DLC1: variants seen among roughly 807,000 people sequenced by gnomAD.
DLC1 encodes the protein rho GTPase-activating protein 7.
Under a neutral mutation model 140.3 loss-of-function variants are expected in DLC1, and 54 were observed. That is an observed-to-expected ratio of 0.38 (90% CI 0.31 to 0.48). The LOEUF is 0.48. Among genes scored for constraint, DLC1 ranks in the 20% least tolerant of loss-of-function variants. The probability of loss-of-function intolerance (pLI) is 0.96; values close to 1 mark genes in which losing one functional copy is unlikely to be tolerated. For missense variants in DLC1, 2,536 were observed against 1,907.0 expected (o/e 1.33, Z -6.14); for synonymous variants, 986 against 728.1 (o/e 1.35, Z -5.70).
At chr8:13,099,263 C>G in intron 9 of DLC1, 84 bp downstream of exon 9, 1 of 1,518,444 alleles carries the variant, frequency 6.6e-7, no homozygotes, top group Non-Finnish European at 8.8e-7. Context: ...AGACTTAATC[C>G]CATTTCTTCC....
At chr8:13,471,206 G>C (rs1028874316) in intron 2 of DLC1, among the ~76,000 whole-genome samples, 1 of 151,590 alleles carries the variant, frequency 6.6e-6, no homozygotes, top group African/African-American at 2.4e-5. Flanking sequence ...AGTCTGGATG[G>C]ATACTATTCT....
intron 5 of DLC1, among the ~76,000 whole-genome samples, chr8:13,280,079 A>G (rs948540096): frequency 9.9e-5 from 15 of 151,300 alleles, no homozygotes; most frequent in Non-Finnish European, 1.5e-4. Flanking sequence ...GGAGATCGAG[A>G]CCATCCTGGC....
chr8:13,558,193 A>G (rs889222272), intron 1 of DLC1: 10 of 152,250 alleles, frequency 6.6e-5, no homozygotes, highest in African/African-American at 2.4e-4. Flanking sequence ...ATATGTCTTG[A>G]GTGCTTTCTC....
intron 5 of DLC1, among the ~76,000 whole-genome samples, chr8:13,240,576 C>T (rs1008660632): frequency 1.3e-5 from 2 of 152,094 alleles, no homozygotes; most frequent in African/African-American, 4.8e-5. Flanking sequence ...CAGGCACATG[C>T]CACCACGCCC....
intron 1 of DLC1, among the ~76,000 whole-genome samples, chr8:13,548,348 T>C (rs1803723789): frequency 1.4e-5 from 2 of 142,738 alleles, no homozygotes; most frequent in Non-Finnish European, 3.0e-5. Flanking sequence ...TTTTGGTTTA[T>C]ATCTTGTTCA....
At chr8:13,578,352 C>G (rs974554847) in intron 1 of DLC1, among the ~76,000 whole-genome samples, 1 of 152,128 alleles carries the variant, frequency 6.6e-6, no homozygotes, top group Non-Finnish European at 1.5e-5. Flanking sequence ...TTCGTACTCT[C>G]TTACACAGTC....
At chr8:13,402,823 A>G (rs988904861) in intron 2 of DLC1, among the ~76,000 whole-genome samples, 1 of 152,202 alleles carries the variant, frequency 6.6e-6, no homozygotes, top group Non-Finnish European at 1.5e-5. Context: ...CCCAGCCACC[A>G]TTAAAAGGCA....
At chr8:13,268,838 C>T (rs866955583) in intron 5 of DLC1, among the ~76,000 whole-genome samples, 3 of 150,060 alleles carry the variant, frequency 2.0e-5, no homozygotes, top group Non-Finnish European at 4.4e-5. Flanking sequence ...AACCTTTGTA[C>T]TCATGTTCTA....
chr8:13,189,962 G>C (rs1187457397), intron 5 of DLC1, among the ~76,000 whole-genome samples: 1 of 151,984 alleles, frequency 6.6e-6, no homozygotes, highest in Non-Finnish European at 1.5e-5. Flanking sequence ...AGAGAGCCCA[G>C]CGCATGGACA....
At chr8:13,294,973 A>G (rs961073316) in intron 5 of DLC1, among the ~76,000 whole-genome samples, 2 of 152,210 alleles carry the variant, frequency 1.3e-5, no homozygotes, top group African/African-American at 2.4e-5. Context: ...TCTTGTTATT[A>G]TTACCAATTC....
chr8:13,309,239 T>A (rs1832573318), intron 4 of DLC1, among the ~76,000 whole-genome samples: 2 of 152,162 alleles, frequency 1.3e-5, no homozygotes, highest in Admixed American at 1.3e-4. Context: ...ACTTATATAT[T>A]TTTTTCTCTT....
chr8:13,500,170 A>G lies in DLC1; in HGVS notation c.-99T>C, dbSNP rs1801744027. ...TTATTTCAAAATCACCAATCAAAGA[A>G]GCGAATGAGTTCTGTCATTTCACCA... On this transcript the variant is annotated 5_prime_UTR_variant, in exon 2 of 18. Transcript: ENST00000276297. 3.6e-6 allele frequency: 4 copies of G among 1,116,192 alleles called. No homozygotes were observed. The East Asian group carries it at 9.6e-5, about 27-fold the overall frequency. The allele number at this position is 1,116,192 out of a possible 1,614,324, so 69.1% of individuals were successfully genotyped here. A position where few individuals can be genotyped will look rare whatever the true frequency, so the allele number is the denominator to read the frequency against.
rs1365196535 is a variant in DLC1, at chr8:13,357,228, AC to A, written c.1314+36324del. On this transcript the variant is annotated intron_variant, in intron 4 of 17. Transcript: ENST00000276297. The stretch of plus-strand genomic sequence containing the variant: ...AGAGGCTGCAGTGAGCCAAGATTGT[AC>A]CACTGCACTCCAGCCTGGGCAACAG... Among the ~76,000 whole-genome samples the A allele has an allele frequency of 2.0e-5, 3 of 152,166 alleles. No individual in the cohort carries two copies. In the East Asian group the frequency reaches 5.8e-4, roughly 29 times the overall value.
intron 4 of DLC1, among the ~76,000 whole-genome samples, chr8:13,382,945 C>G (rs1051621733): frequency 2.6e-5 from 4 of 152,046 alleles, no homozygotes; most frequent in African/African-American, 9.7e-5. Flanking sequence ...GGAGTGAGCC[C>G]TAATAAGATA....
intron 1 of DLC1, among the ~76,000 whole-genome samples, chr8:13,545,991 T>G: frequency 6.6e-6 from 1 of 152,134 alleles, no homozygotes; most frequent in East Asian, 1.9e-4. Flanking sequence ...CACAAGTTAT[T>G]AGATACGTGC....
Position 13,468,392 on chromosome 8 carries a change from A to G in DLC1, c.1023+30657T>C, listed in dbSNP as rs534072810. Among the ~76,000 whole-genome samples the G allele has an allele frequency of 1.9e-4, 20 of 105,982 alleles. 1 individual carries two copies. In the South Asian group the frequency reaches 7.0e-3, roughly 37 times the overall value. The allele number at this position is 105,982 out of a possible 152,430, so 69.5% of individuals were successfully genotyped here. A position where few individuals can be genotyped will look rare whatever the true frequency, so the allele number is the denominator to read the frequency against. ...CCCTCTCCTTTTCTGTCTTGCTCTG[A>G]GGCCCAGGCTGGAGTCTGGTATTAT... On this transcript the variant is annotated intron_variant, in intron 2 of 17. Transcript: ENST00000276297.
intron 10 of DLC1, among the ~76,000 whole-genome samples, chr8:13,096,934 C>T (rs1818543876): frequency 6.6e-6 from 1 of 152,134 alleles, no homozygotes; most frequent in Non-Finnish European, 1.5e-5. Flanking sequence ...GAAAAATGCA[C>T]TGAGATGTCA....
In DLC1 at chr8:13,086,322, G is replaced by A. The variant is rs932225550; in HGVS notation, c.4434C>T (p.Ser1478=). The A allele has an allele frequency of 8.1e-6, 13 of 1,614,110 alleles. No individual in the cohort carries two copies. Among genetic ancestry groups the A allele is most frequent in the Non-Finnish European group, 1.0e-5 (12 of 1,180,050 alleles). ...YLIEPCGPGK[S]KLTYMCRVDL... ...CAACTCTGCACATGTAGGTGAGTTT[G>A]GATTTTCCTGGCCCACAGGGTTCAA... Residue 1478 remains serine (S), a synonymous_variant, in exon 17 of 18, where the codon TCC becomes TCT. Coordinates refer to ENST00000276297, the MANE Select transcript of DLC1 (RefSeq NM_182643.3).
At chr8:13,518,099 C>T (rs907785727), upstream of DLC1, among the ~76,000 whole-genome samples, 1 of 75,908 alleles carries the variant, frequency 1.3e-5, no homozygotes, top group Non-Finnish European at 2.5e-5. Flanking sequence ...GATCACCTTT[C>T]TTTTTTTTGT....
Sources: allele counts gnomAD v4.1 joint callset (sites outside exome capture counted in the v4.1 genomes callset), GRCh38; gene constraint gnomAD v4.1.1; transcripts MANE v1.5; gene names NCBI Gene and HGNC (gene_info 2026-07-23, HGNC 2026-07-21).